METTL15: variants seen among roughly 807,000 people sequenced by gnomAD.
METTL15 encodes 12S rRNA N(4)-cytidine methyltransferase METTL15.
METTL15 carries 34 observed loss-of-function variants against 38.3 expected under a neutral mutation model. The ratio of observed to expected loss-of-function variants is 0.89; its 90% CI spans 0.68 to 1.18. The LOEUF (loss-of-function observed/expected upper bound fraction) is 1.18, where lower values mean the gene tolerates loss of function less well. Among genes scored for constraint, METTL15 ranks in the 50% most tolerant of loss-of-function variants. The pLI is 0.00. For synonymous variants in METTL15, 162 were observed against 170.9 expected, an observed-to-expected ratio of 0.95 and a Z score of 0.41; for missense variants, 438 against 498.4, an observed-to-expected ratio of 0.88 and a Z score of 1.15.
chr11:28,309,671 T>A (rs570938844), intron 6 of METTL15, among the ~76,000 whole-genome samples: 2 of 152,272 alleles, frequency 1.3e-5, no homozygotes, highest in South Asian at 4.1e-4. Context: ...TCTCTCTGGT[T>A]CTCGTTTATT....
At chr11:28,209,562 G>A (rs1329055501) in intron 3 of METTL15, among the ~76,000 whole-genome samples, 1 of 152,002 alleles carries the variant, frequency 6.6e-6, no homozygotes, top group Non-Finnish European at 1.5e-5. Flanking sequence ...TACAACATTT[G>A]TGTTAAAAAG....
chr11:28,363,239 T>A (rs895045872), intron 5 of METTL15, among the ~76,000 whole-genome samples: 1 of 152,172 alleles, frequency 6.6e-6, no homozygotes, highest in Non-Finnish European at 1.5e-5. Flanking sequence ...AGTGGTGCGA[T>A]CTTAGCTCAC....
rs1444248535 is a variant in METTL15, at chr11:28,390,101, T to G, written c.*358+28065T>G. ...GTTGTTTTTTTCTTGTAAATTTGTT[T>G]GAGTTCATTGTAGATTCTGGATATT... is the stretch of plus-strand genomic sequence containing the variant. On this transcript the variant is annotated intron_variant and NMD_transcript_variant, in intron 5 of 7. Transcript: ENST00000532947. Among the ~76,000 whole-genome samples, 1,276 of 151,750 alleles carry G rather than the reference T, an allele frequency of 8.4e-3. 3 individuals are homozygous for G. Among genetic ancestry groups the G allele is most frequent in the African/African-American group, 0.016 (683 of 41,444 alleles).
intron 3 of METTL15, among the ~76,000 whole-genome samples, chr11:28,122,348 T>TGC (rs1554980059): frequency 1.8e-5 from 2 of 110,756 alleles, no homozygotes; most frequent in Admixed American, 8.2e-5. Context: ...TGTGTGTGTG[T>TGC]GTGTGTGTGT....
chr11:28,344,289 C>T (rs1849979328), intron 3 of METTL15, among the ~76,000 whole-genome samples: 2 of 152,082 alleles, frequency 1.3e-5, no homozygotes, highest in African/African-American at 2.4e-5. Flanking sequence ...GACTATGTAA[C>T]AGTAATTATG....
chr11:28,162,764 AATAAT>A (rs1422712373), intron 3 of METTL15, among the ~76,000 whole-genome samples: 6 of 152,158 alleles, frequency 3.9e-5, no homozygotes, highest in East Asian at 1.9e-4. Flanking sequence ...ATTATTTTGT[AATAAT>A]ATAATAAGTA....
intron 6 of METTL15, among the ~76,000 whole-genome samples, chr11:28,433,816 G>A (rs1015539298): frequency 6.6e-6 from 1 of 152,048 alleles, no homozygotes; most frequent in Non-Finnish European, 1.5e-5. Flanking sequence ...ACAACTAGTT[G>A]AGTTGTCCTT....
intron 6 of METTL15, among the ~76,000 whole-genome samples, chr11:28,461,790 T>G (rs1278257235): frequency 6.6e-6 from 1 of 152,148 alleles, no homozygotes; most frequent in African/African-American, 2.4e-5. Context: ...CATGTATATA[T>G]TATGTAGTGA....
intron 4 of METTL15, among the ~76,000 whole-genome samples, chr11:28,238,047 G>T (rs962286425): frequency 3.9e-5 from 6 of 152,296 alleles, no homozygotes; most frequent in African/African-American, 4.8e-5. Flanking sequence ...CTGCTCGGGG[G>T]TCAGGGGTCA....
intron 6 of METTL15, among the ~76,000 whole-genome samples, chr11:28,524,092 A>C (rs1367279085): frequency 6.6e-6 from 1 of 152,250 alleles, no homozygotes; most frequent in Non-Finnish European, 1.5e-5. Flanking sequence ...AATAATCCAA[A>C]TTGGTTTTCA....
At chr11:28,415,265 G>T (rs1214069340) in intron 5 of METTL15, among the ~76,000 whole-genome samples, 1 of 152,120 alleles carries the variant, frequency 6.6e-6, no homozygotes, top group Non-Finnish European at 1.5e-5. Context: ...TGACTTTCTA[G>T]AAATATTTTC....
At chr11:28,294,098 T>C (rs932040825) in intron 5 of METTL15, among the ~76,000 whole-genome samples, 1 of 152,170 alleles carries the variant, frequency 6.6e-6, no homozygotes, top group African/African-American at 2.4e-5. Flanking sequence ...CTATGTTGAA[T>C]AGGAGTGGTG....
chr11:28,122,224 A>G (rs1195760313), intron 3 of METTL15: 17 of 1,193,516 alleles, frequency 1.4e-5, no homozygotes, highest in Non-Finnish European at 1.8e-5. Context: ...TATGGATTAT[A>G]TTTTTTATAA....
intron 4 of METTL15, among the ~76,000 whole-genome samples, chr11:28,265,708 C>A (rs7928965): frequency 2.0e-5 from 3 of 152,082 alleles, no homozygotes; most frequent in African/African-American, 7.2e-5. Context: ...TGATTTCGTG[C>A]ACTGTCTTCA....
At chr11:28,484,136 T>G (rs1851419031) in intron 6 of METTL15, among the ~76,000 whole-genome samples, 2 of 152,308 alleles carry the variant, frequency 1.3e-5, no homozygotes, top group South Asian at 4.2e-4. Context: ...GTAGCACATA[T>G]TAAGTACTTG....
chr11:28,170,254 T>C (rs1210524000), intron 3 of METTL15, among the ~76,000 whole-genome samples: 1 of 152,142 alleles, frequency 6.6e-6, no homozygotes, highest in African/African-American at 2.4e-5. Flanking sequence ...TTCTCTGACC[T>C]CTGCTGTGCC....
rs552400511 is a variant in METTL15 at position 28,368,187 on chromosome 11, A to C, written c.*358+6151A>C. Among the ~76,000 whole-genome samples, 86 of 151,842 alleles carry C rather than the reference A, an allele frequency of 5.7e-4. 1 individual carries two copies. Among genetic ancestry groups the C allele is most frequent in the South Asian group, 1.5e-3 (7 of 4,826 alleles). ...AACAAAGAAAAAAACAGAAAAAAAA[A>C]CACAACTAAAATCAGGGTGAACAGG... On this transcript the variant is annotated intron_variant and NMD_transcript_variant, in intron 5 of 7. Coordinates refer to the METTL15 transcript ENST00000532947.
intron 3 of METTL15, among the ~76,000 whole-genome samples, chr11:28,140,757 G>A (rs1448323168): frequency 6.6e-6 from 1 of 152,162 alleles, no homozygotes; most frequent in African/African-American, 2.4e-5. Context: ...TGAATACAAG[G>A]GCATTTTACA....
intron 6 of METTL15, among the ~76,000 whole-genome samples, chr11:28,453,822 A>G (rs1411353741): frequency 1.3e-5 from 2 of 152,226 alleles, no homozygotes; most frequent in Non-Finnish European, 2.9e-5. Context: ...GTGTTAACAC[A>G]GATCCAATGT....
Sources: gnomAD v4.1 joint callset for allele counts (sites outside exome capture counted in the v4.1 genomes callset) on GRCh38, gnomAD v4.1.1 for gene constraint, MANE v1.5 for transcripts, NCBI Gene and HGNC (gene_info 2026-07-23, HGNC 2026-07-21) for gene names.